The following PTPRS variants were observed in gnomAD, a reference collection of about 807,000 sequenced individuals.
PTPRS encodes the protein protein tyrosine phosphatase receptor type S, also known as receptor-type tyrosine-protein phosphatase S.
A neutral mutation model predicts 215.3 loss-of-function variants in PTPRS; 63 were observed. That is an observed-to-expected ratio of 0.29 (90% CI 0.24 to 0.36). PTPRS has a LOEUF of 0.36. PTPRS is among the 10% of genes least tolerant of loss of function. PTPRS has a pLI of 1.00. For missense variants in PTPRS, 2,258 were observed against 2,825.8 expected (o/e 0.80, Z 4.56); for synonymous variants, 1,404 against 1,191.4 (o/e 1.18, Z -3.68).
At chr19:5,229,128 C>G (rs973495456) in intron 16 of PTPRS, among the ~76,000 whole-genome samples, 188 bp downstream of exon 16, 4 of 152,248 alleles carry the variant, frequency 2.6e-5, no homozygotes, top group Non-Finnish European at 5.9e-5. Context: ...GTCCGAGTAT[C>G]CCATTTCCCT....
intron 12 of PTPRS, 43 bp from the exon 13 acceptor site, chr19:5,239,106 A>AGAGAGAGAGACAGAAACAAAGGG: frequency 6.8e-7 from 1 of 1,476,094 alleles, no homozygotes; most frequent in East Asian, 2.4e-5. Flanking sequence ...TGGGGGAGAG[A>AGAGAGAGAGACAGAAACAAAGGG]GAGAGAGAGA....
chr19:5,331,274 G>A (rs755038563), intron 1 of PTPRS, among the ~76,000 whole-genome samples: 3 of 151,538 alleles, frequency 2.0e-5, no homozygotes, highest in South Asian at 2.1e-4. Context: ...GGGACCGTAC[G>A]TGTGCACCCC....
In PTPRS at chr19:5,222,891, C is replaced by A; in HGVS notation, c.2901G>T (p.Val967=). The A allele has an allele frequency of 6.3e-7, 1 of 1,574,958 alleles. No individual in the cohort carries two copies. Among genetic ancestry groups the A allele is most frequent in the Non-Finnish European group, 8.6e-7 (1 of 1,166,982 alleles). The change falls in exon 18 of 38, where the codon GTG becomes GTT. Residue 967 remains valine, a synonymous_variant. Coordinates refer to ENST00000262963, the MANE Select transcript of PTPRS (RefSeq NM_002850.4). ...CCAGGGCACCGGCCTCCCGCACGGCCACCGTGTATTTGACGATGGCCCCGT... is the reference window on the plus strand; with the variant it reads ...CCAGGGCACCGGCCTCCCGCACGGCAACCGTGTATTTGACGATGGCCCCGT... ...ERNGAIVKYT[V]AVREAGALGP... is the part of the protein sequence containing the mutation.
chr19:5,269,319 C>A (rs2046702785), intron 4 of PTPRS, among the ~76,000 whole-genome samples: 1 of 152,126 alleles, frequency 6.6e-6, no homozygotes, highest in African/African-American at 2.4e-5. Flanking sequence ...CCGAGAACAC[C>A]TAATTAAACA....
intron 1 of PTPRS, among the ~76,000 whole-genome samples, chr19:5,298,667 T>G (rs2049214161): frequency 6.6e-6 from 1 of 152,226 alleles, no homozygotes; most frequent in Non-Finnish European, 1.5e-5. Context: ...GCGCCGGGTC[T>G]ACCCGCCAGC....
chr19:5,247,945 G>C (rs1318185412), intron 9 of PTPRS, among the ~76,000 whole-genome samples: 1 of 151,662 alleles, frequency 6.6e-6, no homozygotes, highest in African/African-American at 2.4e-5. Flanking sequence ...GGAGGGAGTG[G>C]AGGGTACTGC....
chr19:5,232,471 C>A (rs2043097189), intron 13 of PTPRS, among the ~76,000 whole-genome samples: 1 of 151,982 alleles, frequency 6.6e-6, no homozygotes, highest in Non-Finnish European at 1.5e-5. Flanking sequence ...GTACCAGGCA[C>A]CATGCCAAGG....
intron 1 of PTPRS, among the ~76,000 whole-genome samples, chr19:5,323,361 AAAAC>A (rs1244333505): frequency 6.6e-6 from 1 of 152,238 alleles, no homozygotes. Flanking sequence ...CCGTCTCAAA[AAAAC>A]AAACAAAAAA....
At chr19:5,317,586 C>G (rs892862166) in intron 1 of PTPRS, among the ~76,000 whole-genome samples, 6 of 152,220 alleles carry the variant, frequency 3.9e-5, no homozygotes, top group Non-Finnish European at 7.3e-5. Context: ...CCAGGACTAA[C>G]AGAATCCTAG....
chr19:5,326,095 G>C (rs147040150), intron 1 of PTPRS, among the ~76,000 whole-genome samples: 1 of 152,338 alleles, frequency 6.6e-6, no homozygotes, highest in Non-Finnish European at 1.5e-5. Context: ...GCCGTATGTG[G>C]TGACACACGC....
intron 30 of PTPRS, 119 bp from the exon 31 acceptor site, chr19:5,212,610 G>A (rs1196832148): frequency 1.8e-5 from 21 of 1,182,238 alleles, no homozygotes; most frequent in Middle Eastern, 2.2e-4. Context: ...TTGGGAGGCC[G>A]AGGTGGGCGG....
rs991758248 is a variant in PTPRS at position 5,296,981 on chromosome 19, C to T, written c.-94-10747G>A. On this transcript the variant is annotated intron_variant, in intron 1 of 37. Coordinates refer to ENST00000262963, the MANE Select transcript of PTPRS (RefSeq NM_002850.4). ...GGCAGACCCAATAGAATTTTCTAAA[C>T]GGCTCATTTGGGGATGTACAGAAAA... Among the ~76,000 whole-genome samples, 7 of 152,132 alleles carry T rather than the reference C, an allele frequency of 4.6e-5. No homozygotes were observed. In the South Asian group the frequency reaches 8.3e-4, roughly 18 times the overall value.
intron 1 of PTPRS, among the ~76,000 whole-genome samples, chr19:5,318,558 G>A (rs2049940822): frequency 6.6e-6 from 1 of 152,056 alleles, no homozygotes; most frequent in South Asian, 2.1e-4. Context: ...TCACATGGCT[G>A]CTGTGAAGAC....
At chr19:5,335,659 C>T (rs1600154297) in intron 1 of PTPRS, among the ~76,000 whole-genome samples, 1 of 152,142 alleles carries the variant, frequency 6.6e-6, no homozygotes, top group East Asian at 1.9e-4. Context: ...ACCCAGATAA[C>T]ATAAAGAGTA....
chr19:5,245,619 A>G (rs62115089), intron 10 of PTPRS, among the ~76,000 whole-genome samples, 157 bp downstream of exon 10: 30,714 of 152,202 alleles, frequency 0.2, 3,957 homozygotes, highest in Non-Finnish European at 0.3. Flanking sequence ...AATAAATAAT[A>G]CCTGTTCAAA....
chr19:5,241,136 G>C (rs1181951730), intron 11 of PTPRS, among the ~76,000 whole-genome samples: 1 of 151,726 alleles, frequency 6.6e-6, no homozygotes, highest in Non-Finnish European at 1.5e-5. Context: ...TGATCCTCCT[G>C]CCTCGGCCTC....
chr19:5,322,405 C>G (rs1283199402), intron 1 of PTPRS, among the ~76,000 whole-genome samples: 1 of 152,160 alleles, frequency 6.6e-6, no homozygotes, highest in South Asian at 2.1e-4. Flanking sequence ...AACTCGAGGA[C>G]GTGGCTATTT....
intron 4 of PTPRS, among the ~76,000 whole-genome samples, chr19:5,267,321 A>T (rs1347195649): frequency 1.3e-5 from 2 of 152,108 alleles, no homozygotes; most frequent in East Asian, 3.9e-4. Flanking sequence ...TGATGAGGTG[A>T]GCCAGCTAAG....
chr19:5,297,791 C>CTTTTTTTTTT (rs373472522), intron 1 of PTPRS, among the ~76,000 whole-genome samples: 34 of 131,344 alleles, frequency 2.6e-4, no homozygotes, highest in Non-Finnish European at 3.8e-4. Context: ...CTTTTCTTTT[C>CTTTTTTTTTT]TTTTTTTTTT....
Sources: allele counts gnomAD v4.1 joint callset (sites outside exome capture counted in the v4.1 genomes callset), GRCh38; gene constraint gnomAD v4.1.1; transcripts MANE v1.5; gene names NCBI Gene and HGNC (gene_info 2026-07-23, HGNC 2026-07-21).